Variants in ARB2A observed in about 807,000 individuals in gnomAD.
The protein encoded by ARB2A is cotranscriptional regulator ARB2A.
chr5:93,798,821 T>A, the ARB2A span, among the ~76,000 whole-genome samples: 1 of 152,104 alleles, frequency 6.6e-6, no homozygotes, highest in Admixed American at 6.6e-5. Flanking sequence ...AGTTCCTTGA[T>A]GGTATGTCCT....
chr5:93,982,322 G>C, the ARB2A span, among the ~76,000 whole-genome samples: 38 of 152,096 alleles, frequency 2.5e-4, 1 homozygote, highest in African/African-American at 8.9e-4. Flanking sequence ...TATGTATACA[G>C]ATAAAATGGA....
At chr5:94,017,197 T>C in the ARB2A span, among the ~76,000 whole-genome samples, 9 of 152,174 alleles carry the variant, frequency 5.9e-5, no homozygotes, top group Admixed American at 3.3e-4. Context: ...CTGAAAGCAA[T>C]ATGCATGTGT....
the ARB2A span, chr5:94,053,123 T>A: frequency 7.2e-7 from 1 of 1,390,248 alleles, no homozygotes; most frequent in South Asian, 1.3e-5. Flanking sequence ...ATAACCCACT[T>A]ACTTTCATTA....
the ARB2A span, among the ~76,000 whole-genome samples, chr5:93,985,400 C>T: frequency 7.2e-5 from 11 of 151,814 alleles, no homozygotes; most frequent in Admixed American, 7.2e-4. Flanking sequence ...TCCATGGTCT[C>T]CCCCTCTCCC....
At chr5:93,861,953 G>C in the ARB2A span, 1 of 152,212 alleles carries the variant, frequency 6.6e-6, no homozygotes, top group East Asian at 1.9e-4. Flanking sequence ...ATACTCTTTT[G>C]ATCATGTATA....
At chr5:93,660,921 A>T in the ARB2A span, among the ~76,000 whole-genome samples, 2 of 152,198 alleles carry the variant, frequency 1.3e-5, no homozygotes. Context: ...GGTACTGATA[A>T]TATCAGTGTC....
At chr5:93,771,150 G>A in the ARB2A span, among the ~76,000 whole-genome samples, 42 of 151,718 alleles carry the variant, frequency 2.8e-4, no homozygotes, top group African/African-American at 4.6e-4. Context: ...AAATAACGCC[G>A]CATATCTACA....
the ARB2A span, among the ~76,000 whole-genome samples, chr5:93,759,393 C>G: frequency 1.6e-4 from 25 of 152,222 alleles, no homozygotes; most frequent in Non-Finnish European, 3.2e-4. Flanking sequence ...CTAATTCATT[C>G]TATGAAGCCA....
the ARB2A span, among the ~76,000 whole-genome samples, chr5:93,720,399 C>T: frequency 1.3e-5 from 2 of 152,128 alleles, no homozygotes; most frequent in African/African-American, 4.8e-5. Context: ...CTATTTAGAA[C>T]CTAATCTATA....
the ARB2A span, among the ~76,000 whole-genome samples, chr5:93,948,578 C>T: frequency 6.6e-6 from 1 of 151,990 alleles, no homozygotes; most frequent in Non-Finnish European, 1.5e-5. Flanking sequence ...ACATGAAGTC[C>T]TTGCCCATGC....
At chr5:93,776,443 T>A in the ARB2A span, among the ~76,000 whole-genome samples, 2 of 152,204 alleles carry the variant, frequency 1.3e-5, no homozygotes, top group African/African-American at 4.8e-5. Context: ...CTTTTGTTTG[T>A]TCGTTTTACT....
At chr5:93,745,851 G>T in the ARB2A span, among the ~76,000 whole-genome samples, 1 of 151,936 alleles carries the variant, frequency 6.6e-6, no homozygotes, top group Non-Finnish European at 1.5e-5. Flanking sequence ...TGGTGTAAAG[G>T]CATTGCCACT....
At chr5:93,628,974 T>A in the ARB2A span, among the ~76,000 whole-genome samples, 2 of 152,252 alleles carry the variant, frequency 1.3e-5, no homozygotes, top group Non-Finnish European at 2.9e-5. Context: ...GGCTAACTGT[T>A]TTGCAAGAGG....
the ARB2A span, among the ~76,000 whole-genome samples, chr5:93,803,191 G>A: frequency 6.6e-6 from 1 of 152,034 alleles, no homozygotes; most frequent in Non-Finnish European, 1.5e-5. Flanking sequence ...AACATGTGCA[G>A]TTTAGCATGC....
the ARB2A span, among the ~76,000 whole-genome samples, chr5:94,064,353 C>T: frequency 6.6e-6 from 1 of 151,990 alleles, no homozygotes; most frequent in Non-Finnish European, 1.5e-5. Context: ...TATGGAATAC[C>T]ATAAAGCTAT....
the ARB2A span, among the ~76,000 whole-genome samples, chr5:93,661,809 T>A: frequency 1.3e-5 from 2 of 152,164 alleles, no homozygotes; most frequent in African/African-American, 2.4e-5. Flanking sequence ...AAAATTTAAA[T>A]GTGTGACACC....
chr5:93,877,122 A>C, the ARB2A span, among the ~76,000 whole-genome samples: 1 of 152,102 alleles, frequency 6.6e-6, no homozygotes, highest in Non-Finnish European at 1.5e-5. Flanking sequence ...CTTCCCCTCT[A>C]TCCTTAGCAT....
the ARB2A span, among the ~76,000 whole-genome samples, chr5:93,907,626 A>G: frequency 2.0e-5 from 3 of 151,514 alleles, no homozygotes; most frequent in South Asian, 6.2e-4. Flanking sequence ...ACTGTCATTT[A>G]TACCAGAATA....
At chr5:93,975,334 A>AG in the ARB2A span, among the ~76,000 whole-genome samples, 4 of 150,988 alleles carry the variant, frequency 2.6e-5, no homozygotes, top group Non-Finnish European at 4.4e-5. Context: ...AAAAAAAAAA[A>AG]AGGAAAACAG....
Sources: gnomAD v4.1 joint callset for allele counts (sites outside exome capture counted in the v4.1 genomes callset) on GRCh38, gnomAD v4.1.1 for gene constraint, MANE v1.5 for transcripts, NCBI Gene and HGNC (gene_info 2026-07-23, HGNC 2026-07-21) for gene names.